SFTPB: variants seen among roughly 807,000 people sequenced by gnomAD.
SFTPB encodes surfactant protein B.
Under a neutral mutation model 51.0 loss-of-function variants are expected in SFTPB, and 32 were observed. The ratio of observed to expected loss-of-function variants is 0.63; its 90% CI spans 0.47 to 0.84. SFTPB has a LOEUF of 0.84. SFTPB is among the 40% of genes least tolerant of loss of function. The pLI, the probability that SFTPB is intolerant of heterozygous loss-of-function variation, is 0.00. For synonymous variants in SFTPB, 211 were observed against 208.5 expected (o/e 1.01, Z -0.10); for missense variants, 431 against 491.2 (o/e 0.88, Z 1.16).
In SFTPB at chr2:85,665,813, T is replaced by C; in HGVS notation, c.394-19A>G. On this transcript the variant is annotated intron_variant, in intron 4 of 10. Coordinates refer to ENST00000519937, the MANE Select transcript of SFTPB (RefSeq NM_000542.5). Reference sequence around the variant, plus strand: ...TTGAGTCCTGGGGCACAGCACAGGGTGGGAGTGTTAGGGTCTGGGAGGGAA... The same window carrying C: ...TTGAGTCCTGGGGCACAGCACAGGGCGGGAGTGTTAGGGTCTGGGAGGGAA... 2 of 1,612,748 alleles carry C rather than the reference T, an allele frequency of 1.2e-6. No homozygotes were observed. Among genetic ancestry groups the C allele is most frequent in the Non-Finnish European group, 1.7e-6 (2 of 1,179,238 alleles).
At chr2:85,667,009 C>A (rs1166079170) in intron 3 of SFTPB, 97 bp downstream of exon 3, 1 of 1,179,620 alleles carries the variant, frequency 8.5e-7, no homozygotes, top group Non-Finnish European at 1.3e-6. Context: ...GCCTCCTCCT[C>A]AGCCTGGAAA....
intron 6 of SFTPB, among the ~76,000 whole-genome samples, chr2:85,664,368 A>C (rs1211112539): frequency 1.3e-5 from 2 of 152,126 alleles, no homozygotes; most frequent in African/African-American, 4.8e-5. Flanking sequence ...ATCCATGCCC[A>C]ATAGCAGTGG....
In SFTPB at chr2:85,665,177, C is replaced by T. The variant is rs35912756; in HGVS notation, c.672+112G>A. 500 of 881,072 alleles carry T rather than the reference C, an allele frequency of 5.7e-4. 4 individuals are homozygous for T. The highest frequency in any genetic ancestry group is 5.6e-3 in the South Asian group (424 of 75,978). The allele number at this position is 881,072 out of a possible 1,614,324, so 54.6% of individuals were successfully genotyped here. ...AAGCGGCTCTCTCCCCTCCTAACTTCTGGCAGCCAGCTGGGTCCTGACGGG... is the reference window on the plus strand; with the variant it reads ...AAGCGGCTCTCTCCCCTCCTAACTTTTGGCAGCCAGCTGGGTCCTGACGGG... On this transcript the variant is annotated intron_variant, in intron 6 of 10. Transcript: ENST00000519937.
chr2:85,660,266 T>C lies in SFTPB; in HGVS notation c.*20-584A>G, dbSNP rs3024834. Reference sequence around the variant, plus strand: ...CCTCCCAAGTAGCTGGGATTACAGGTGTGTGCCACCACATCTGGCTAATTT... The same window carrying C: ...CCTCCCAAGTAGCTGGGATTACAGGCGTGTGCCACCACATCTGGCTAATTT... On this transcript the variant is annotated intron_variant, in intron 10 of 10. Transcript: ENST00000519937. Among the ~76,000 whole-genome samples, 1,140 of 145,670 alleles carry C rather than the reference T, an allele frequency of 7.8e-3. 6 individuals carry two copies. Among genetic ancestry groups the C allele is most frequent in the Non-Finnish European group, 0.011 (765 of 66,722 alleles).
At chr2:85,667,073 C>T in intron 3 of SFTPB, 33 bp downstream of exon 3, 1 of 1,566,796 alleles carries the variant, frequency 6.4e-7, no homozygotes, top group Non-Finnish European at 8.8e-7. Context: ...TCTCTTGGGC[C>T]CCAACCTTCA....
rs1340776922 is a variant in SFTPB at position 85,667,029 on chromosome 2, T to TA, written c.267+76dup. ...CTCCTCAGCCTGGAAATGGCCCCTTTAGGGGGCTCAGCTCTTCCCTGCTCT... is the reference window on the plus strand; with the variant it reads ...CTCCTCAGCCTGGAAATGGCCCCTTTAAGGGGGCTCAGCTCTTCCCTGCTCT... On this transcript the variant is annotated intron_variant, in intron 3 of 10. Coordinates refer to ENST00000519937, the MANE Select transcript of SFTPB (RefSeq NM_000542.5). 8.9e-6 allele frequency: 12 copies of TA among 1,347,710 alleles called. No homozygotes were observed. The African/African-American group carries it at 1.6e-4, about 18-fold the overall frequency. The allele number at this position is 1,347,710 out of a possible 1,614,324, so 83.5% of individuals were successfully genotyped here. A position where few individuals can be genotyped will look rare whatever the true frequency, so the allele number is the denominator to read the frequency against.
chr2:85,663,752 G>T lies in SFTPB; in HGVS notation c.768C>A (p.Ile256=). 1 of 1,610,016 alleles carries T rather than the reference G, an allele frequency of 6.2e-7. No homozygotes were observed. Among genetic ancestry groups the T allele is most frequent in the Non-Finnish European group, 8.5e-7 (1 of 1,178,534 alleles). ...CQCLAERYSV[I]LLDTLLGRML... is the part of the protein sequence containing the mutation. ...TGCGGCCCAGCAGCGTGTCGAGCAG[G>T]ATGACGGAGTAGCGCTCAGCCAGGC... The change falls in exon 7 of 11, where the codon ATC becomes ATA. Residue 256 remains isoleucine, a synonymous_variant. Coordinates refer to ENST00000519937, the MANE Select transcript of SFTPB (RefSeq NM_000542.5).
rs757921603 is a variant in SFTPB at position 85,667,676 on chromosome 2, C to T, written c.195+3G>A. ...GTTGCCATGCATCCTTGGTGGTACTCACGGCTCCCACATGTCCCCAGACTT... is the reference window on the plus strand; with the variant it reads ...GTTGCCATGCATCCTTGGTGGTACTTACGGCTCCCACATGTCCCCAGACTT... On this transcript the variant is annotated splice_donor_region_variant and intron_variant, in intron 2 of 10. Coordinates refer to ENST00000519937, the MANE Select transcript of SFTPB (RefSeq NM_000542.5). The T allele has an allele frequency of 1.3e-4, 202 of 1,614,126 alleles. No homozygotes were observed. The highest frequency in any genetic ancestry group is 1.6e-4 in the Non-Finnish European group (194 of 1,180,062).
chr2:85,662,120 A>G lies in SFTPB; in HGVS notation c.1003-11T>C, dbSNP rs1159473423. 6.3e-7 allele frequency: 1 copy of G among 1,596,304 alleles called. No homozygotes were observed. Among genetic ancestry groups the G allele is most frequent in the African/African-American group, 1.3e-5 (1 of 74,854 alleles). On this transcript the variant is annotated splice_polypyrimidine_tract_variant and intron_variant, in intron 8 of 10. Coordinates refer to ENST00000519937, the MANE Select transcript of SFTPB (RefSeq NM_000542.5). ...CACAAATTGCTTGCACTGAGGAAGG[A>G]GACACACAGCTGTGGAGGGTCCCTT...
In SFTPB at chr2:85,666,625, T is replaced by C; in HGVS notation, c.385A>G (p.Asn129Asp). 1 of 1,613,516 alleles carries C rather than the reference T, an allele frequency of 6.2e-7. No homozygotes were observed. The highest frequency in any genetic ancestry group is 1.7e-4 in the Middle Eastern group (1 of 6,058). Reference protein sequence around the residue: ...YFPLVIDYFQNQTDSNGICMH... With the variant: ...YFPLVIDYFQDQTDSNGICMH... ...GAGCTTGCAGCCCTCACAGTCTGGT[T>C]CTGGAAGTAGTCGATGACCAGGGGG... The change falls in exon 4 of 11, where the codon AAC becomes GAC. Residue 129 changes from asparagine to aspartate, a missense_variant. Asn to Asp is a conservative substitution (Grantham distance 23). Transcript: ENST00000519937.
intron 5 of SFTPB, 63 bp downstream of exon 5, chr2:85,665,543 G>A: frequency 6.3e-7 from 1 of 1,582,946 alleles, no homozygotes; most frequent in Non-Finnish European, 8.7e-7. Context: ...AGTGCCCATG[G>A]GCTTCGGAGG....
At position 85,657,759 on chromosome 2, in the gene SFTPB, T is replaced by C. The variant is rs1677117460; in HGVS notation, c.*1943A>G. The C allele has an allele frequency of 6.6e-6, 1 of 152,162 alleles. No individual in the cohort carries two copies. 9.4% of individuals were successfully genotyped at this position (152,162 alleles called of 1,614,324 possible). ...AAAGAGTCAGCAAAGGGTGGTGGGA[T>C]TATCATTAGTTCTTGTAGGTTTGGG... On this transcript the variant is annotated 3_prime_UTR_variant, in exon 11 of 11. Coordinates refer to ENST00000519937, the MANE Select transcript of SFTPB (RefSeq NM_000542.5).
At chr2:85,661,572 C>G (rs776535857) in intron 9 of SFTPB, 37 bp from the exon 10 acceptor site, 1 of 1,530,140 alleles carries the variant, frequency 6.5e-7, no homozygotes, top group Non-Finnish European at 9.0e-7. Context: ...AGGCCTGGGC[C>G]CCCTCAGCTC....
intron 10 of SFTPB, 130 bp downstream of exon 10, chr2:85,661,324 G>C: frequency 1.5e-6 from 1 of 658,006 alleles, no homozygotes; most frequent in Non-Finnish European, 2.7e-6. Flanking sequence ...CCAGCTGTGC[G>C]GTGAGAGGGA....
intron 5 of SFTPB, 113 bp from the exon 6 acceptor site, chr2:85,665,491 G>T: frequency 6.9e-7 from 1 of 1,454,532 alleles, no homozygotes; most frequent in East Asian, 2.3e-5. Context: ...GCCCTGCCTG[G>T]AGCTTCCTAT....
At position 85,665,286 on chromosome 2, in the gene SFTPB, C is replaced by T; in HGVS notation, c.672+3G>A. 1.2e-6 allele frequency: 2 copies of T among 1,612,766 alleles called. No homozygotes were observed. The highest frequency in any genetic ancestry group is 2.2e-5 in the East Asian group (1 of 44,868). On this transcript the variant is annotated splice_donor_region_variant and intron_variant, in intron 6 of 10. Coordinates refer to ENST00000519937, the MANE Select transcript of SFTPB (RefSeq NM_000542.5). ...GGGCTCTGTGAGGCCCTGGATGCCT[C>T]ACCTTGGGAATCATGGCTTGGATCC...
chr2:85,665,509 C>T (rs954741645), intron 5 of SFTPB, 97 bp downstream of exon 5: 2 of 1,490,848 alleles, frequency 1.3e-6, no homozygotes, highest in African/African-American at 1.4e-5. Flanking sequence ...TATCACCTTC[C>T]CGGCTCTGCC....
Position 85,662,337 on chromosome 2 carries a change from C to T in SFTPB, c.1003-228G>A, listed in dbSNP as rs1252585656. The T allele has an allele frequency of 5.8e-6, 8 of 1,376,304 alleles. No individual in the cohort carries two copies. The Admixed American group carries it at 8.5e-5, about 15-fold the overall frequency. 85.3% of individuals were successfully genotyped at this position (1,376,304 alleles called of 1,614,324 possible). A position where few individuals can be genotyped will look rare whatever the true frequency, so the allele number is the denominator to read the frequency against. ...CGACACTGGAGACGGAGGACTCAGG[C>T]AGAGGGGTGGAATCTCAGCCACCAC... is the stretch of plus-strand genomic sequence containing the variant. On this transcript the variant is annotated intron_variant, in intron 8 of 10. Coordinates refer to ENST00000519937, the MANE Select transcript of SFTPB (RefSeq NM_000542.5).
intron 8 of SFTPB, among the ~76,000 whole-genome samples, chr2:85,662,840 CAAAAAAAAAAA>C (rs34015129): frequency 7.2e-5 from 2 of 27,666 alleles, no homozygotes; most frequent in East Asian, 1.0e-3. Context: ...AACTCCATCT[CAAAAAAAAAAA>C]AAAAAAAAAA....
Sources: allele counts gnomAD v4.1 joint callset (sites outside exome capture counted in the v4.1 genomes callset), GRCh38; gene constraint gnomAD v4.1.1; transcripts MANE v1.5; gene names NCBI Gene and HGNC (gene_info 2026-07-23, HGNC 2026-07-21).